The following CCDC81 variants were observed in gnomAD, a reference collection of about 807,000 sequenced individuals.
The protein encoded by CCDC81 is coiled-coil domain-containing protein 81.
In CCDC81, 79 loss-of-function variants were observed where a neutral mutation model predicts 83.7. That is an observed-to-expected ratio of 0.94 (90% confidence interval 0.79 to 1.14). The LOEUF (loss-of-function observed/expected upper bound fraction) is 1.14. Among genes scored for constraint, CCDC81 ranks in the 50% most tolerant of loss-of-function variants. The probability of loss-of-function intolerance (pLI) is 0.00; values close to 1 mark genes in which losing one functional copy is unlikely to be tolerated. For synonymous variants in CCDC81, 252 were observed against 278.1 expected, an observed-to-expected ratio of 0.91 and a Z score of 0.93; for missense variants, 791 against 778.1, an observed-to-expected ratio of 1.02 and a Z score of -0.20.
chr11:86,418,519 T>A (rs373602524), intron 13 of CCDC81, among the ~76,000 whole-genome samples: 291 of 152,234 alleles, frequency 1.9e-3, no homozygotes, highest in African/African-American at 6.3e-3. Flanking sequence ...CACTGTACAA[T>A]GGAATTGTTA....
At chr11:86,389,717 A>T (rs1207641642) in intron 3 of CCDC81, among the ~76,000 whole-genome samples, 1 of 152,214 alleles carries the variant, frequency 6.6e-6, no homozygotes, top group East Asian at 1.9e-4. Context: ...CAGGGACACA[A>T]ATCCAGACCA....
chr11:86,388,034 C>T (rs1948269430), intron 3 of CCDC81, among the ~76,000 whole-genome samples: 1 of 152,180 alleles, frequency 6.6e-6, no homozygotes, highest in Non-Finnish European at 1.5e-5. Context: ...GAACTACAGT[C>T]AGTATCAGCT....
chr11:86,374,996 A>C lies in CCDC81; in HGVS notation c.-168A>C. ...AATGTTTAAGTTTATTTAAGAAAGA[A>C]GAAAAAGAGTCAAGAAGTTCAAGAT... On this transcript the variant is annotated 5_prime_UTR_variant, in exon 1 of 15. Transcript: ENST00000445632. 1 of 703,234 alleles carries C rather than the reference A, an allele frequency of 1.4e-6. No homozygotes were observed. Among genetic ancestry groups the C allele is most frequent in the South Asian group, 1.5e-5 (1 of 64,940 alleles). 43.6% of individuals were successfully genotyped at this position (703,234 alleles called of 1,614,324 possible).
At chr11:86,397,308 A>C (rs1948422282) in intron 5 of CCDC81, among the ~76,000 whole-genome samples, 1 of 152,210 alleles carries the variant, frequency 6.6e-6, no homozygotes, top group South Asian at 2.1e-4. Flanking sequence ...GCATCTAGTT[A>C]AAGAAGTAGG....
intron 4 of CCDC81, among the ~76,000 whole-genome samples, chr11:86,393,289 C>G (rs948678984): frequency 6.6e-6 from 1 of 152,180 alleles, no homozygotes; most frequent in Non-Finnish European, 1.5e-5. Flanking sequence ...TCTCGAACTC[C>G]TGGTCTCAAG....
intron 9 of CCDC81, 66 bp from the exon 10 acceptor site, chr11:86,409,195 T>G (rs1466018822): frequency 9.6e-6 from 7 of 732,084 alleles, no homozygotes; most frequent in South Asian, 3.4e-5. Flanking sequence ...TTAAAATTTT[T>G]GGGGGCTCCA....
intron 3 of CCDC81, among the ~76,000 whole-genome samples, chr11:86,389,374 T>C (rs1948292268): frequency 6.6e-6 from 1 of 152,238 alleles, no homozygotes; most frequent in Non-Finnish European, 1.5e-5. Flanking sequence ...TATTAGTCTG[T>C]TCTCACACTG....
chr11:86,405,083 A>AGCT (rs977123098), intron 7 of CCDC81, among the ~76,000 whole-genome samples: 9 of 152,196 alleles, frequency 5.9e-5, no homozygotes, highest in African/African-American at 2.2e-4. Context: ...AGTTGTTAAA[A>AGCT]GCTTTTAAAT....
rs762387364 is a variant in CCDC81 at position 86,408,119 on chromosome 11, G to T, written c.970-8G>T. 13 of 1,606,718 alleles carry T rather than the reference G, an allele frequency of 8.1e-6. No individual in the cohort carries two copies. Among genetic ancestry groups the T allele is most frequent in the Middle Eastern group, 3.3e-4 (2 of 6,062 alleles). ...AAAATTTATTTGTCCTGAAATTTGG[G>T]ATTGTAGGAAATGTGCTATGTATGT... On this transcript the variant is annotated splice_polypyrimidine_tract_variant and splice_region_variant and intron_variant, in intron 8 of 14. Transcript: ENST00000445632.
chr11:86,398,816 G>A (rs1468386215), intron 6 of CCDC81, among the ~76,000 whole-genome samples: 1 of 152,100 alleles, frequency 6.6e-6, no homozygotes, highest in Non-Finnish European at 1.5e-5. Flanking sequence ...CAGGTGATCC[G>A]CCTGCCTTGG....
At chr11:86,391,951 G>A (rs1390326555) in intron 3 of CCDC81, among the ~76,000 whole-genome samples, 2 of 152,162 alleles carry the variant, frequency 1.3e-5, no homozygotes, top group East Asian at 1.9e-4. Flanking sequence ...TAAGAGGGAG[G>A]ATGGAGGGAG....
At chr11:86,409,115 A>T in intron 9 of CCDC81, 146 bp from the exon 10 acceptor site, 1 of 436,050 alleles carries the variant, frequency 2.3e-6, no homozygotes, top group Non-Finnish European at 4.0e-6. Context: ...ATCTATAGAG[A>T]TATCAGAAAG....
At chr11:86,391,566 T>C (rs959682832) in intron 3 of CCDC81, among the ~76,000 whole-genome samples, 2 of 152,194 alleles carry the variant, frequency 1.3e-5, no homozygotes, top group African/African-American at 4.8e-5. Flanking sequence ...CTTTGTAGTG[T>C]CATATATGGG....
intron 13 of CCDC81, among the ~76,000 whole-genome samples, chr11:86,416,437 C>T (rs1948720675): frequency 1.3e-5 from 2 of 152,338 alleles, no homozygotes; most frequent in Non-Finnish European, 2.9e-5. Context: ...GCTACTTCCT[C>T]TTCTGCTTCT....
rs1317314075 is a variant in CCDC81 at position 86,400,948 on chromosome 11, A to G, written c.881+147A>G. On this transcript the variant is annotated intron_variant, in intron 7 of 14. Transcript: ENST00000445632. ...ATATGCAACATGATGGGAATAATAA[A>G]GGTGACCAAGGTTCACCATCTAGTG... 3 of 801,152 alleles carry G rather than the reference A, an allele frequency of 3.7e-6. No homozygotes were observed. The African/African-American group carries it at 5.2e-5, about 14-fold the overall frequency. 49.6% of individuals were successfully genotyped at this position (801,152 alleles called of 1,614,324 possible).
chr11:86,376,604 A>G (rs960733983), intron 1 of CCDC81, among the ~76,000 whole-genome samples: 41 of 152,182 alleles, frequency 2.7e-4, no homozygotes, highest in African/African-American at 8.9e-4. Context: ...CCAGGATCCA[A>G]TCCCCTCCCA....
rs542623163 is a variant in CCDC81 at position 86,412,950 on chromosome 11, CCT to C, written c.1391+392_1391+393del. ...CTTGTGTTAGTCAGCGCAATAGACC[CCT>C]GTCTTATCACAAGGAGAGAGGGCTT... On this transcript the variant is annotated intron_variant, in intron 11 of 14. Coordinates refer to ENST00000445632, the MANE Select transcript of CCDC81 (RefSeq NM_001156474.2). Among the ~76,000 whole-genome samples, 492 of 152,274 alleles carry C rather than the reference CCT, an allele frequency of 3.2e-3. 3 individuals carry two copies. Among genetic ancestry groups the C allele is most frequent in the African/African-American group, 9.8e-3 (407 of 41,552 alleles).
chr11:86,418,647 TTA>T (rs1948751025), intron 13 of CCDC81, among the ~76,000 whole-genome samples: 1 of 152,230 alleles, frequency 6.6e-6, no homozygotes, highest in African/African-American at 2.4e-5. Context: ...ATGACTCCAC[TTA>T]TATGAGTTAT....
At chr11:86,415,019 C>A in intron 12 of CCDC81, 74 bp from the exon 13 acceptor site, 1 of 1,514,764 alleles carries the variant, frequency 6.6e-7, no homozygotes, top group Non-Finnish European at 9.1e-7. Flanking sequence ...GGTATTTTAC[C>A]ACATTACAGG....
Sources: allele counts gnomAD v4.1 joint callset (sites outside exome capture counted in the v4.1 genomes callset), GRCh38; gene constraint gnomAD v4.1.1; transcripts MANE v1.5; gene names NCBI Gene and HGNC (gene_info 2026-07-23, HGNC 2026-07-21).